Variants in SYTL5 observed in about 807,000 individuals in gnomAD.
SYTL5 encodes synaptotagmin like 5, also known as synaptotagmin-like protein 5.
A neutral mutation model predicts 55.9 loss-of-function variants in SYTL5; 34 were observed. The ratio of observed to expected loss-of-function variants is 0.61; its 90% CI spans 0.46 to 0.81. The LOEUF (loss-of-function observed/expected upper bound fraction) is 0.81, where lower values mean the gene tolerates loss of function less well. Among genes scored for constraint, SYTL5 ranks in the 30% least tolerant of loss-of-function variants. The probability of loss-of-function intolerance (pLI) is 0.00; values close to 1 mark genes in which losing one functional copy is unlikely to be tolerated. For synonymous variants in SYTL5, 221 were observed against 188.7 expected, an observed-to-expected ratio of 1.17 and a Z score of -1.40; for missense variants, 637 against 546.7, an observed-to-expected ratio of 1.17 and a Z score of -1.65.
intron 6 of SYTL5, among the ~76,000 whole-genome samples, chrX:38,078,872 T>C (rs780485150): frequency 8.9e-6 from 1 of 112,603 alleles, no homozygotes; most frequent in African/African-American, 3.2e-5. Context: ...TCTTAAATTG[T>C]AAATACCTGA....
At chrX:38,077,356 AT>A (rs1444873587) in intron 6 of SYTL5, among the ~76,000 whole-genome samples, 5 of 111,856 alleles carry the variant, frequency 4.5e-5, no homozygotes, top group African/African-American at 1.3e-4. Flanking sequence ...TGAGAAAAAA[AT>A]ATCCACCTTC....
At chrX:38,068,465 G>C (rs1381112972) in intron 3 of SYTL5, among the ~76,000 whole-genome samples, 1 of 111,805 alleles carries the variant, frequency 8.9e-6, no homozygotes, top group African/African-American at 3.2e-5. Context: ...TTGTACAAAA[G>C]CACATATACT....
the SYTL5 span, among the ~76,000 whole-genome samples, chrX:37,893,668 A>ATATAATCTATAGATAAACTATAGATTATC: frequency 9.4e-5 from 6 of 64,068 alleles, no homozygotes. Flanking sequence ...AAATCTATAT[A>ATATAATCTATAGATAAACTATAGATTATC]TATAATCTAT....
At position 38,123,635 on chromosome X, in the gene SYTL5, G is replaced by T. The variant is rs73469605; in HGVS notation, c.1841+1420G>T. On this transcript the variant is annotated intron_variant, in intron 15 of 16. Transcript: ENST00000297875. ...CATCCAGTTTAAGCTTCTGCTGCTG[G>T]AATGAGGAGATGACTCCCAACCCGT... is the stretch of plus-strand genomic sequence containing the variant. 1.9e-3 allele frequency among the ~76,000 whole-genome samples: 212 copies of T among 112,213 alleles called. 1 individual carries two copies. Among genetic ancestry groups the T allele is most frequent in the African/African-American group, 6.7e-3 (208 of 30,941 alleles).
chrX:38,119,393 A>C (rs752773260), intron 13 of SYTL5, among the ~76,000 whole-genome samples: 2 of 111,926 alleles, frequency 1.8e-5, no homozygotes, highest in East Asian at 5.6e-4. Flanking sequence ...CATCTCTATA[A>C]TTTTGTCATT....
intron 3 of SYTL5, among the ~76,000 whole-genome samples, chrX:38,068,834 C>T (rs192323424): frequency 9.0e-6 from 1 of 110,811 alleles, no homozygotes; most frequent in East Asian, 2.8e-4. Context: ...ACCTAGGCAA[C>T]GGGATCGTTT....
chrX:38,006,693 T>A (rs780690490), intron 1 of SYTL5, 25 bp downstream of exon 1: 1 of 111,484 alleles, frequency 9.0e-6, no homozygotes, highest in South Asian at 3.8e-4. Flanking sequence ...TTTAGGGATC[T>A]CCAGTGTGAT....
the SYTL5 span, chrX:37,946,612 C>A: frequency 7.3e-6 from 1 of 137,303 alleles, no homozygotes; most frequent in East Asian, 2.1e-4. Flanking sequence ...ACCTTTAAAT[C>A]TCATCCTTTT....
At chrX:37,892,574 G>T in the SYTL5 span, among the ~76,000 whole-genome samples, 1 of 92,498 alleles carries the variant, frequency 1.1e-5, no homozygotes, top group Non-Finnish European at 2.1e-5. Context: ...TTGTATATAC[G>T]TATATATACC....
At chrX:38,062,370 T>C (rs1935976469) in intron 3 of SYTL5, among the ~76,000 whole-genome samples, 1 of 112,453 alleles carries the variant, frequency 8.9e-6, no homozygotes, top group South Asian at 3.7e-4. Context: ...AGAATCTTTG[T>C]CTTTTTAAAT....
intron 13 of SYTL5, among the ~76,000 whole-genome samples, chrX:38,112,025 C>T (rs759473172): frequency 1.8e-4 from 20 of 111,564 alleles, no homozygotes; most frequent in Admixed American, 4.8e-4. Context: ...ATGAGTGGTT[C>T]ACAGTCTATC....
chrX:38,126,140 C>T (rs1569196607), intron 16 of SYTL5, among the ~76,000 whole-genome samples: 1 of 111,895 alleles, frequency 8.9e-6, no homozygotes, highest in Non-Finnish European at 1.9e-5. Flanking sequence ...CATCAGCATA[C>T]ACCATGGTAA....
At chrX:38,012,919 C>T (rs927046913) in intron 1 of SYTL5, among the ~76,000 whole-genome samples, 2 of 111,823 alleles carry the variant, frequency 1.8e-5, no homozygotes, top group Non-Finnish European at 3.8e-5. Context: ...TTTTAAGTTG[C>T]ATATTTTGAC....
the SYTL5 span, among the ~76,000 whole-genome samples, chrX:37,925,230 C>A: frequency 9.0e-6 from 1 of 111,661 alleles, no homozygotes; most frequent in Admixed American, 9.5e-5. Flanking sequence ...CTTTTTATGG[C>A]CAAATAGTAT....
chrX:38,089,559 C>T lies in SYTL5; in HGVS notation c.803C>T (p.Thr268Ile), dbSNP rs752477785. The T allele has an allele frequency of 9.1e-6, 11 of 1,210,775 alleles. No homozygotes were observed. The highest frequency in any genetic ancestry group is 2.4e-4 in the Middle Eastern group (1 of 4,253). ...PGTQSSPAPSTRTVTSVISRE... is the reference protein window; with the variant it reads ...PGTQSSPAPSIRTVTSVISRE... ...ACTCAGAGTTCACCAGCCCCAAGCA[C>T]ACGAACTGTGACCTCAGTCATCAGT... The change falls in exon 7 of 17, where the codon ACA becomes ATA. Residue 268 changes from threonine to isoleucine, a missense_variant. Transcript: ENST00000297875.
chrX:38,091,150 G>A (rs1301925889), intron 7 of SYTL5, among the ~76,000 whole-genome samples: 2 of 111,768 alleles, frequency 1.8e-5, no homozygotes, highest in African/African-American at 6.5e-5. Context: ...GAACAAGAGT[G>A]AAAGCCAGAA....
chrX:38,098,990 C>T (rs67894439), intron 9 of SYTL5, among the ~76,000 whole-genome samples: 43,124 of 109,102 alleles, frequency 0.4, 8,595 homozygotes, highest in African/African-American at 0.77. Context: ...TAATGGTTGC[C>T]AGGGAGTGAA....
In SYTL5 at chrX:38,096,115, T is replaced by C. The variant is rs746339525; in HGVS notation, c.962-19T>C. The C allele has an allele frequency of 9.7e-7, 1 of 1,028,051 alleles. No homozygotes were observed. Among genetic ancestry groups the C allele is most frequent in the South Asian group, 2.2e-5 (1 of 44,675 alleles). 84.7% of individuals were successfully genotyped at this position (1,028,051 alleles called of 1,213,427 possible). ...AAACAGGCTGACTCACGTCTTTCTT[T>C]TTCCTTTCCACCTTCCAGATCAGAG... is the stretch of plus-strand genomic sequence containing the variant. On this transcript the variant is annotated intron_variant, in intron 8 of 16. Coordinates refer to ENST00000297875, the MANE Select transcript of SYTL5 (RefSeq NM_138780.3).
At chrX:37,890,849 C>T in the SYTL5 span, among the ~76,000 whole-genome samples, 5 of 111,518 alleles carry the variant, frequency 4.5e-5, no homozygotes, top group Non-Finnish European at 9.4e-5. Context: ...AGCTGAGAGA[C>T]CAACCTACTA....
Sources: gnomAD v4.1 joint callset for allele counts (sites outside exome capture counted in the v4.1 genomes callset) on GRCh38, gnomAD v4.1.1 for gene constraint, MANE v1.5 for transcripts, NCBI Gene and HGNC (gene_info 2026-07-23, HGNC 2026-07-21) for gene names.